SDHAF4: variants seen among roughly 807,000 people sequenced by gnomAD.
SDHAF4 encodes succinate dehydrogenase complex assembly factor 4.
A neutral mutation model predicts 14.3 loss-of-function variants in SDHAF4; 14 were observed. That is an observed-to-expected ratio of 0.98 (90% confidence interval 0.65 to 1.53). The LOEUF is 1.53. Ranked by LOEUF, SDHAF4 falls within the 40% of genes most tolerant of loss-of-function variation. The pLI, the probability that SDHAF4 is intolerant of heterozygous loss-of-function variation, is 0.00. For missense variants in SDHAF4, 141 were observed against 129.3 expected (o/e 1.09, Z -0.44); for synonymous variants, 63 against 47.3 (o/e 1.33, Z -1.36).
At chr6:70,598,009 G>T in the SDHAF4 span, among the ~76,000 whole-genome samples, 1 of 152,334 alleles carries the variant, frequency 6.6e-6, no homozygotes, top group Middle Eastern at 3.4e-3. Context: ...GTGAAATTAA[G>T]AAATATTTAT....
At chr6:70,579,702 A>G in intron 2 of SDHAF4, 136 bp downstream of exon 2, 1 of 617,428 alleles carries the variant, frequency 1.6e-6, no homozygotes. Context: ...ACAATGAGTA[A>G]AATCACCATA....
chr6:70,592,388 A>C (rs1405390427), downstream of SDHAF4, among the ~76,000 whole-genome samples: 1 of 152,196 alleles, frequency 6.6e-6, no homozygotes, highest in Admixed American at 6.5e-5. Flanking sequence ...CCTAGAGATT[A>C]CTTAAGTGGT....
At chr6:70,587,137 C>T (rs1225040300) in intron 2 of SDHAF4, among the ~76,000 whole-genome samples, 1 of 144,716 alleles carries the variant, frequency 6.9e-6, no homozygotes, top group African/African-American at 2.6e-5. Context: ...TGCCATTGCA[C>T]TCCAGCCTGG....
chr6:70,590,407 C>A (rs770735423), downstream of SDHAF4, among the ~76,000 whole-genome samples: 1 of 152,168 alleles, frequency 6.6e-6, no homozygotes, highest in Non-Finnish European at 1.5e-5. Context: ...GTGAAGATTT[C>A]TTGGAATTGT....
intron 2 of SDHAF4, among the ~76,000 whole-genome samples, chr6:70,581,603 G>GTTGTT (rs373620998): frequency 2.6e-5 from 4 of 152,038 alleles, no homozygotes; most frequent in Non-Finnish European, 5.9e-5. Context: ...GTGTGTGTGT[G>GTTGTT]TTGTTTTGTT....
At chr6:70,578,679 C>T (rs377351443) in intron 1 of SDHAF4, among the ~76,000 whole-genome samples, 12 of 152,070 alleles carry the variant, frequency 7.9e-5, no homozygotes, top group Admixed American at 3.3e-4. Context: ...AGAGTGTTTC[C>T]GAGGTTTTCT....
intron 1 of SDHAF4, among the ~76,000 whole-genome samples, chr6:70,574,811 C>T (rs1447385072): frequency 1.3e-5 from 2 of 152,054 alleles, no homozygotes; most frequent in Non-Finnish European, 2.9e-5. Context: ...GGCTGTAGTC[C>T]CAGCTGCTGA....
intron 1 of SDHAF4, among the ~76,000 whole-genome samples, chr6:70,574,049 G>A (rs1217106625): frequency 6.6e-5 from 10 of 152,030 alleles, no homozygotes; most frequent in Admixed American, 5.9e-4. Flanking sequence ...GGCTGGGCAC[G>A]GTGGCTCATG....
intron 1 of SDHAF4, among the ~76,000 whole-genome samples, chr6:70,577,185 A>T (rs557589107): frequency 6.6e-6 from 1 of 152,254 alleles, no homozygotes; most frequent in South Asian, 2.1e-4. Flanking sequence ...ATAATCCTGG[A>T]TAACCTCCCT....
chr6:70,583,381 G>A (rs1765158644), intron 2 of SDHAF4, among the ~76,000 whole-genome samples: 2 of 152,202 alleles, frequency 1.3e-5, no homozygotes, highest in Admixed American at 1.3e-4. Context: ...CCAAAGTGCT[G>A]AGGTTACAGG....
At chr6:70,571,238 T>G (rs1802174497) in intron 1 of SDHAF4, among the ~76,000 whole-genome samples, 1 of 152,212 alleles carries the variant, frequency 6.6e-6, no homozygotes, top group Non-Finnish European at 1.5e-5. Flanking sequence ...TCTGTTGAGG[T>G]GGTAAATTAC....
At chr6:70,581,428 C>T (rs1205032122) in intron 2 of SDHAF4, among the ~76,000 whole-genome samples, 4 of 152,158 alleles carry the variant, frequency 2.6e-5, no homozygotes, top group Non-Finnish European at 5.9e-5. Context: ...CCTACCATCC[C>T]TTAGAAATTT....
At chr6:70,587,543 C>T (rs1765215918) in intron 2 of SDHAF4, among the ~76,000 whole-genome samples, 2 of 152,110 alleles carry the variant, frequency 1.3e-5, no homozygotes, top group African/African-American at 4.8e-5. Flanking sequence ...TAGTTGGTTC[C>T]TCTCCTGTTT....
intron 1 of SDHAF4, among the ~76,000 whole-genome samples, chr6:70,577,716 C>T (rs1022167449): frequency 2.0e-5 from 3 of 152,140 alleles, no homozygotes; most frequent in Non-Finnish European, 2.9e-5. Context: ...CCCCTTCTTC[C>T]CTCCCTGACA....
chr6:70,597,789 A>G, the SDHAF4 span, among the ~76,000 whole-genome samples: 2 of 152,142 alleles, frequency 1.3e-5, no homozygotes, highest in African/African-American at 4.8e-5. Flanking sequence ...ATAAGCCTCC[A>G]TGGACATTGA....
chr6:70,583,792 G>A (rs548883390), intron 2 of SDHAF4, among the ~76,000 whole-genome samples: 39 of 152,310 alleles, frequency 2.6e-4, no homozygotes, highest in Non-Finnish European at 3.8e-4. Flanking sequence ...CATGCAGCCC[G>A]TGGACTGTGG....
chr6:70,580,029 T>C (rs533914715), intron 2 of SDHAF4, among the ~76,000 whole-genome samples: 5 of 152,006 alleles, frequency 3.3e-5, no homozygotes, highest in Admixed American at 1.3e-4. Context: ...TCTTAACTTA[T>C]ATATTTTGCT....
At chr6:70,569,890 C>T (rs747339473) in intron 1 of SDHAF4, among the ~76,000 whole-genome samples, 54 of 152,084 alleles carry the variant, frequency 3.6e-4, no homozygotes, top group Non-Finnish European at 7.2e-4. Context: ...CACATTTAAG[C>T]CTTTATTCTA....
chr6:70,578,649 T>C (rs1342473761), intron 1 of SDHAF4, among the ~76,000 whole-genome samples: 1 of 152,214 alleles, frequency 6.6e-6, no homozygotes, highest in East Asian at 1.9e-4. Flanking sequence ...ATAAATTATT[T>C]CCCAAGACCA....
Sources: allele counts gnomAD v4.1 joint callset (sites outside exome capture counted in the v4.1 genomes callset), GRCh38; gene constraint gnomAD v4.1.1; transcripts MANE v1.5; gene names NCBI Gene and HGNC (gene_info 2026-07-23, HGNC 2026-07-21).